Variants in LYVE1 observed in about 807,000 individuals in gnomAD.
The protein encoded by LYVE1 is lymphatic vessel endothelial hyaluronan receptor 1, also known as lymphatic vessel endothelial hyaluronic acid receptor 1.
Under a neutral mutation model 31.5 loss-of-function variants are expected in LYVE1, and 29 were observed. That is an observed-to-expected ratio of 0.92 (90% CI 0.69 to 1.26). The LOEUF (loss-of-function observed/expected upper bound fraction) is 1.26, where lower values mean the gene tolerates loss of function less well. Among genes scored for constraint, LYVE1 ranks in the 50% most tolerant of loss-of-function variants. The pLI is 0.00. For missense variants in LYVE1, 376 were observed against 380.2 expected, an observed-to-expected ratio of 0.99 and a Z score of 0.09; for synonymous variants, 134 against 139.4, an observed-to-expected ratio of 0.96 and a Z score of 0.27.
rs753816552 is a variant in LYVE1 at position 10,564,345 on chromosome 11, T to C, written c.115A>G (p.Met39Val). The C allele has an allele frequency of 6.8e-6, 11 of 1,614,070 alleles. No individual in the cohort carries two copies. The South Asian group carries it at 1.2e-4, about 18-fold the overall frequency. The change falls in exon 2 of 6, where the codon ATG becomes GTG. Residue 39 changes from methionine (M) to valine (V), a missense_variant. Coordinates refer to ENST00000256178, the MANE Select transcript of LYVE1 (RefSeq NM_006691.4). ...TTTTTGCTCACAAGGGTGATCCCCA[T>C]AATTCTGCATGACACCTGGATGGAA... ...ELSIQVSCRI[M>V]GITLVSKKAN...
rs375834783 is a variant in LYVE1, at chr11:10,564,296, G to C, written c.164C>G (p.Thr55Arg). 5.3e-5 allele frequency: 85 copies of C among 1,614,096 alleles called. No individual in the cohort carries two copies. The highest frequency in any genetic ancestry group is 6.8e-5 in the Non-Finnish European group (80 of 1,180,028). Reference sequence around the variant, plus strand: ...CAGCCTACAGGCCTCCTTAGCTTCTGTGAAATTCAGCTGCTGGTTCGCCTT... The same window carrying C: ...CAGCCTACAGGCCTCCTTAGCTTCTCTGAAATTCAGCTGCTGGTTCGCCTT... ...SKKANQQLNFTEAKEACRLLG... is the reference protein window; with the variant it reads ...SKKANQQLNFREAKEACRLLG... Residue 55 changes from threonine to arginine, a missense_variant, in exon 2 of 6, where the codon ACA (threonine) becomes AGA (arginine). Thr to Arg is a moderately conservative substitution (Grantham distance 71, BLOSUM62 -1). Transcript: ENST00000256178.
At chr11:10,563,321 G>C (rs1259847976) in intron 3 of LYVE1, among the ~76,000 whole-genome samples, 1 of 152,094 alleles carries the variant, frequency 6.6e-6, no homozygotes, top group African/African-American at 2.4e-5. Flanking sequence ...ATTCCATATA[G>C]GTGGAAGCAA....
At chr11:10,560,447 A>T in intron 4 of LYVE1, 48 bp downstream of exon 4, 1 of 1,469,398 alleles carries the variant, frequency 6.8e-7, no homozygotes, top group South Asian at 1.3e-5. Flanking sequence ...ATTATCTGTT[A>T]TACATGAACA....
Position 10,559,199 on chromosome 11 carries a change from T to C in LYVE1, c.881A>G (p.Asn294Ser). The change falls in exon 6 of 6, where the codon AAT becomes AGT. Residue 294 changes from asparagine to serine, a missense_variant. Asn to Ser is a conservative substitution (Grantham distance 46, BLOSUM62 1). Coordinates refer to ENST00000256178, the MANE Select transcript of LYVE1 (RefSeq NM_006691.4). ...TTTATCAGTTTTCTTTGATTCCTCA[T>C]TAGGGTTGCTATCATTGGCCTTCTC... ...KEEKANDSNP[N>S]EESKKTDKNP... is the part of the protein sequence containing the mutation. 1.2e-6 allele frequency: 2 copies of C among 1,614,110 alleles called. No homozygotes were observed. The highest frequency in any genetic ancestry group is 8.5e-7 in the Non-Finnish European group (1 of 1,179,916).
intron 1 of LYVE1, among the ~76,000 whole-genome samples, chr11:10,566,850 A>G (rs1850553699): frequency 6.6e-6 from 1 of 152,220 alleles, no homozygotes; most frequent in South Asian, 2.1e-4. Context: ...ACTTGTACCT[A>G]GCAGAGGCGG....
At chr11:10,564,902 C>G (rs964520908) in intron 1 of LYVE1, among the ~76,000 whole-genome samples, 11 of 152,138 alleles carry the variant, frequency 7.2e-5, no homozygotes, top group African/African-American at 2.7e-4. Context: ...GGGGGACAGG[C>G]TTACTCAGAA....
chr11:10,567,821 AT>A (rs1316671021), intron 1 of LYVE1, among the ~76,000 whole-genome samples: 1 of 152,138 alleles, frequency 6.6e-6, no homozygotes, highest in Non-Finnish European at 1.5e-5. Context: ...TTTACTGAAT[AT>A]TTTTTTAAAA....
chr11:10,566,711 A>G (rs1375282698), intron 1 of LYVE1, among the ~76,000 whole-genome samples: 2 of 152,192 alleles, frequency 1.3e-5, no homozygotes, highest in African/African-American at 4.8e-5. Context: ...CTAGGTGGAT[A>G]GACTTAGCTT....
rs1352004327 is a variant in LYVE1, at chr11:10,558,145, T to C, written c.*966A>G. The C allele has an allele frequency of 1.3e-5, 2 of 152,214 alleles. No homozygotes were observed. Among genetic ancestry groups the C allele is most frequent in the Non-Finnish European group, 2.9e-5 (2 of 68,028 alleles). The allele number at this position is 152,214 out of a possible 1,614,324, so 9.4% of individuals were successfully genotyped here. A position where few individuals can be genotyped will look rare whatever the true frequency, so the allele number is the denominator to read the frequency against. ...AATATCAAAACTGAAAAAAATAGCT[T>C]CCCAGATAGCGTTCTACTATGTGCA... On this transcript the variant is annotated 3_prime_UTR_variant, in exon 6 of 6. Coordinates refer to ENST00000256178, the MANE Select transcript of LYVE1 (RefSeq NM_006691.4).
chr11:10,561,674 G>A (rs1041035334), intron 3 of LYVE1, among the ~76,000 whole-genome samples: 10 of 152,208 alleles, frequency 6.6e-5, no homozygotes, highest in African/African-American at 2.4e-4. Context: ...GTTTACACAG[G>A]AGGAAACTGA....
In LYVE1 at chr11:10,559,911, C is replaced by T. The variant is rs776357513; in HGVS notation, c.704-17G>A. On this transcript the variant is annotated splice_polypyrimidine_tract_variant and intron_variant, in intron 4 of 5. Coordinates refer to ENST00000256178, the MANE Select transcript of LYVE1 (RefSeq NM_006691.4). Reference sequence around the variant, plus strand: ...TGGGGACACCTGCAAGGAACAGAGACAAGGCCTGTTGGTCCTTCACTTAAA... The same window carrying T: ...TGGGGACACCTGCAAGGAACAGAGATAAGGCCTGTTGGTCCTTCACTTAAA... 4 of 1,586,226 alleles carry T rather than the reference C, an allele frequency of 2.5e-6. No individual in the cohort carries two copies. The highest frequency in any genetic ancestry group is 3.5e-6 in the Non-Finnish European group (4 of 1,154,846).
In LYVE1 at chr11:10,559,034, T is replaced by C; in HGVS notation, c.*77A>G. ...TTTCTTCTTTGGTTCTTTGGCCCTT[T>C]TGATTTCCCCAGCTGGGGCAGGGTA... On this transcript the variant is annotated 3_prime_UTR_variant, in exon 6 of 6. Transcript: ENST00000256178. 7.2e-7 allele frequency: 1 copy of C among 1,394,934 alleles called. No homozygotes were observed. Among genetic ancestry groups the C allele is most frequent in the Non-Finnish European group, 9.8e-7 (1 of 1,015,380 alleles). 86.4% of individuals were successfully genotyped at this position (1,394,934 alleles called of 1,614,324 possible).
At chr11:10,562,757 C>T (rs1194159330) in intron 3 of LYVE1, among the ~76,000 whole-genome samples, 4 of 152,098 alleles carry the variant, frequency 2.6e-5, no homozygotes, top group Non-Finnish European at 4.4e-5. Context: ...TTCATGACCA[C>T]GAACAAATCA....
chr11:10,560,935 C>T lies in LYVE1; in HGVS notation c.398-135G>A, dbSNP rs1156995763. On this transcript the variant is annotated intron_variant, in intron 3 of 5. Coordinates refer to ENST00000256178, the MANE Select transcript of LYVE1 (RefSeq NM_006691.4). ...CTTTAAAAAGCAAATCTAACCATAT[C>T]ACTTTCTTCCTTAGAAGCCTTCAGT... is the stretch of plus-strand genomic sequence containing the variant. 6.9e-5 allele frequency: 48 copies of T among 697,648 alleles called. No individual in the cohort carries two copies. In the East Asian group the frequency reaches 1.2e-3, roughly 18 times the overall value. 43.2% of individuals were successfully genotyped at this position (697,648 alleles called of 1,614,324 possible). A position where few individuals can be genotyped will look rare whatever the true frequency, so the allele number is the denominator to read the frequency against.
chr11:10,560,685 C>T lies in LYVE1; in HGVS notation c.513G>A (p.Val171=). ...CAGGTATTGTAGAGTAAGGGGATGC[C>T]ACCGAGTAGGTACTGTCACTGACAA... The part of the protein sequence containing the change: ...EFIVSDSTYS[V]ASPYSTIPAP... Residue 171 remains valine (V), a synonymous_variant, in exon 4 of 6, where the codon GTG becomes GTA. Coordinates refer to ENST00000256178, the MANE Select transcript of LYVE1 (RefSeq NM_006691.4). 6.2e-7 allele frequency: 1 copy of T among 1,614,014 alleles called. No homozygotes were observed. Among genetic ancestry groups the T allele is most frequent in the South Asian group, 1.1e-5 (1 of 91,066 alleles).
chr11:10,564,213 C>T lies in LYVE1; in HGVS notation c.247G>A (p.Glu83Lys). 1 of 1,613,970 alleles carries T rather than the reference C, an allele frequency of 6.2e-7. No homozygotes were observed. The highest frequency in any genetic ancestry group is 8.5e-7 in the Non-Finnish European group (1 of 1,179,800). ...CCAGCTTTTTCTCACCTGCAAGTTT[C>T]AAAGCTAGCTTTCAAGGCTGTTTCA... Reference protein sequence around the residue: ...QVETALKASFETCSYGWVGDG... With the variant: ...QVETALKASFKTCSYGWVGDG... The change falls in exon 2 of 6, where the codon GAA becomes AAA. Residue 83 changes from glutamate (E) to lysine (K), a missense_variant. By Grantham distance (56) the Glu-to-Lys change is moderately conservative. Coordinates refer to ENST00000256178, the MANE Select transcript of LYVE1 (RefSeq NM_006691.4).
intron 3 of LYVE1, among the ~76,000 whole-genome samples, chr11:10,563,428 C>T (rs1266066102): frequency 6.6e-6 from 1 of 152,110 alleles, no homozygotes; most frequent in East Asian, 1.9e-4. Flanking sequence ...TACATAGCAT[C>T]TACATTGTAT....
In LYVE1 at chr11:10,560,595, A is replaced by T. The variant is rs1850402386; in HGVS notation, c.603T>A (p.Cys201Ter). The T allele has an allele frequency of 6.2e-7, 1 of 1,614,182 alleles. No individual in the cohort carries two copies. The highest frequency in any genetic ancestry group is 2.2e-5 in the East Asian group (1 of 44,882). Residue 201 changes from cysteine to a stop codon, truncating the protein, a stop_gained, in exon 4 of 6, where the codon TGT becomes TGA. Coordinates refer to ENST00000256178, the MANE Select transcript of LYVE1 (RefSeq NM_006691.4). LOFTEE classifies it high-confidence loss of function. ...TSIPRRKKLI[C>*]VTEVFMETST... is the part of the protein sequence containing the mutation. Reference sequence around the variant, plus strand: ...TAGTTTCCATAAAAACTTCTGTGACACAAATCAATTTTTTTCTCCGTGGAA... The same window carrying T: ...TAGTTTCCATAAAAACTTCTGTGACTCAAATCAATTTTTTTCTCCGTGGAA...
chr11:10,561,103 A>G (rs1850416559), intron 3 of LYVE1, among the ~76,000 whole-genome samples: 1 of 152,164 alleles, frequency 6.6e-6, no homozygotes, highest in Non-Finnish European at 1.5e-5. Flanking sequence ...CTTACATCCA[A>G]GCCTTGCACC....
Sources: allele counts gnomAD v4.1 joint callset (sites outside exome capture counted in the v4.1 genomes callset), GRCh38; gene constraint gnomAD v4.1.1; transcripts MANE v1.5; gene names NCBI Gene and HGNC (gene_info 2026-07-23, HGNC 2026-07-21).